HS6ST3: variants seen among roughly 807,000 people sequenced by gnomAD.
HS6ST3 encodes the protein heparan-sulfate 6-O-sulfotransferase 3.
In HS6ST3, 12 loss-of-function variants were observed where a neutral mutation model predicts 36.7. That is an observed-to-expected ratio of 0.33 (90% CI 0.21 to 0.53). The LOEUF (loss-of-function observed/expected upper bound fraction) is 0.53. Ranked by LOEUF, HS6ST3 falls within the 20% of genes least tolerant of loss-of-function variation. HS6ST3 has a pLI of 0.95. For synonymous variants in HS6ST3, 240 were observed against 257.5 expected (o/e 0.93, Z 0.65); for missense variants, 584 against 640.9 (o/e 0.91, Z 0.96).
At chr13:96,179,251 T>C (rs2054227358) in intron 1 of HS6ST3, among the ~76,000 whole-genome samples, 1 of 152,202 alleles carries the variant, frequency 6.6e-6, no homozygotes, top group Non-Finnish European at 1.5e-5. Flanking sequence ...CCATTTAATA[T>C]AGGTTCTGTT....
At chr13:96,403,419 AC>A in intron 1 of HS6ST3, among the ~76,000 whole-genome samples, 1 of 152,178 alleles carries the variant, frequency 6.6e-6, no homozygotes, top group Non-Finnish European at 1.5e-5. Flanking sequence ...GTTTTACACC[AC>A]AATCAGAGCC....
chr13:96,772,781 T>C (rs1388786899), intron 1 of HS6ST3, among the ~76,000 whole-genome samples: 1 of 152,230 alleles, frequency 6.6e-6, no homozygotes, highest in East Asian at 1.9e-4. Context: ...CTTCCTCTCA[T>C]GTAGATTACA....
At chr13:96,331,976 C>G (rs142758593) in intron 1 of HS6ST3, among the ~76,000 whole-genome samples, 2,182 of 152,304 alleles carry the variant, frequency 0.014, 26 homozygotes, top group East Asian at 0.055. Flanking sequence ...TTCTTTGACT[C>G]GGAAAGGGAA....
chr13:96,650,460 AG>A (rs1457390629), intron 1 of HS6ST3, among the ~76,000 whole-genome samples: 1 of 151,942 alleles, frequency 6.6e-6, no homozygotes, highest in African/African-American at 2.4e-5. Flanking sequence ...GTCACTTCTG[AG>A]GGACTCAAGG....
At chr13:96,346,605 A>G (rs978307287) in intron 1 of HS6ST3, among the ~76,000 whole-genome samples, 1 of 152,016 alleles carries the variant, frequency 6.6e-6, no homozygotes, top group African/African-American at 2.4e-5. Context: ...TAATAAAACA[A>G]AGCCAGAAAA....
chr13:96,332,323 C>T (rs1330624409), intron 1 of HS6ST3, among the ~76,000 whole-genome samples: 1 of 152,178 alleles, frequency 6.6e-6, no homozygotes, highest in Non-Finnish European at 1.5e-5. Flanking sequence ...AGGTATATGG[C>T]TCTTGCAGAC....
intron 1 of HS6ST3, among the ~76,000 whole-genome samples, chr13:96,415,449 A>G (rs2055528326): frequency 6.6e-6 from 1 of 152,226 alleles, no homozygotes; most frequent in African/African-American, 2.4e-5. Context: ...GGAAGAAAAA[A>G]ATAAATAAAG....
intron 1 of HS6ST3, among the ~76,000 whole-genome samples, chr13:96,801,100 A>C (rs1191874122): frequency 2.0e-5 from 3 of 151,412 alleles, no homozygotes; most frequent in African/African-American, 7.3e-5. Flanking sequence ...GCAGTTGTCC[A>C]CTCCCTCCAT....
intron 1 of HS6ST3, among the ~76,000 whole-genome samples, chr13:96,723,147 G>A (rs1197514139): frequency 2.0e-5 from 3 of 152,032 alleles, no homozygotes; most frequent in Admixed American, 6.6e-5. Context: ...GGTGCATGGC[G>A]ACATCTCCCA....
chr13:96,763,529 A>C (rs1877020710), intron 1 of HS6ST3, among the ~76,000 whole-genome samples: 1 of 150,756 alleles, frequency 6.6e-6, no homozygotes, highest in Non-Finnish European at 1.5e-5. Context: ...TAACTGATTT[A>C]ATGAATTTTA....
chr13:96,178,078 T>G (rs532331995), intron 1 of HS6ST3, among the ~76,000 whole-genome samples: 1 of 152,154 alleles, frequency 6.6e-6, no homozygotes, highest in African/African-American at 2.4e-5. Flanking sequence ...TGGAGTGTTT[T>G]GGTATCTGGG....
chr13:96,151,792 C>T (rs141547330), intron 1 of HS6ST3, among the ~76,000 whole-genome samples: 20 of 152,282 alleles, frequency 1.3e-4, no homozygotes, highest in Admixed American at 2.6e-4. Context: ...TGTTCAGCTG[C>T]AGCACCTCAG....
At position 96,506,645 on chromosome 13, in the gene HS6ST3, C is replaced by A. The variant is rs187274877; in HGVS notation, c.708-325845C>A. On this transcript the variant is annotated intron_variant, in intron 1 of 1. Coordinates refer to ENST00000376705, the MANE Select transcript of HS6ST3 (RefSeq NM_153456.4). ...GAGAGAGATCCATGTTATTTCTGCT[C>A]CTGTGAAACTGATTACATTGGTATA... is the stretch of plus-strand genomic sequence containing the variant. Among the ~76,000 whole-genome samples, 11 of 152,248 alleles carry A rather than the reference C, an allele frequency of 7.2e-5. 1 individual carries two copies. In the East Asian group the frequency reaches 2.1e-3, roughly 29 times the overall value.
intron 1 of HS6ST3, among the ~76,000 whole-genome samples, chr13:96,552,425 C>T (rs2056222860): frequency 6.6e-6 from 1 of 152,164 alleles, no homozygotes; most frequent in South Asian, 2.1e-4. Flanking sequence ...TTCTCTATAG[C>T]TGGCCTTCTG....
At chr13:96,634,373 G>T (rs1169492178) in intron 1 of HS6ST3, among the ~76,000 whole-genome samples, 1 of 152,120 alleles carries the variant, frequency 6.6e-6, no homozygotes, top group Non-Finnish European at 1.5e-5. Flanking sequence ...GGCTTGTTTT[G>T]TGTCACCAGT....
At chr13:96,804,622 T>A (rs1878154699) in intron 1 of HS6ST3, among the ~76,000 whole-genome samples, 2 of 152,228 alleles carry the variant, frequency 1.3e-5, no homozygotes, top group African/African-American at 4.8e-5. Flanking sequence ...AGAATCATTT[T>A]TTTTTTTAGC....
At chr13:96,239,811 C>T (rs11070159) in intron 1 of HS6ST3, among the ~76,000 whole-genome samples, 8,627 of 152,228 alleles carry the variant, frequency 0.057, 342 homozygotes, top group Admixed American at 0.13. Flanking sequence ...GAAATTCCTA[C>T]CTGAATCCAT....
At chr13:96,574,238 C>G (rs1191262785) in intron 1 of HS6ST3, 5 of 468,206 alleles carry the variant, frequency 1.1e-5, no homozygotes, top group Non-Finnish European at 2.1e-5. Context: ...TAGTGATTAC[C>G]TGGACTGGGA....
Position 96,544,560 on chromosome 13 carries a change from A to G in HS6ST3, c.708-287930A>G, listed in dbSNP as rs550390958. Among the ~76,000 whole-genome samples the G allele has an allele frequency of 8.1e-4, 124 of 152,210 alleles. 1 individual carries two copies. The highest frequency in any genetic ancestry group is 5.9e-4 in the Non-Finnish European group (40 of 68,036). ...AAAATGATCAAATAGGGGCTTGAAC[A>G]GATCTGTAAAATGTAAATCATTATT... On this transcript the variant is annotated intron_variant, in intron 1 of 1. Coordinates refer to ENST00000376705, the MANE Select transcript of HS6ST3 (RefSeq NM_153456.4).
Sources: allele counts gnomAD v4.1 joint callset (sites outside exome capture counted in the v4.1 genomes callset), GRCh38; gene constraint gnomAD v4.1.1; transcripts MANE v1.5; gene names NCBI Gene and HGNC (gene_info 2026-07-23, HGNC 2026-07-21).